The following RWDD2B variants were observed in gnomAD, a reference collection of about 807,000 sequenced individuals.
RWDD2B encodes the protein RWD domain containing 2B, also known as RWD domain-containing protein 2B.
RWDD2B carries 36 observed loss-of-function variants against 33.6 expected under a neutral mutation model. That is an observed-to-expected ratio of 1.07 (90% CI 0.82 to 1.42). The LOEUF (loss-of-function observed/expected upper bound fraction) is 1.42, where lower values mean the gene tolerates loss of function less well. Among genes scored for constraint, RWDD2B ranks in the 40% most tolerant of loss-of-function variants. The pLI is 0.00. For missense variants in RWDD2B, 364 were observed against 377.5 expected (o/e 0.96, Z 0.30); for synonymous variants, 126 against 133.1 (o/e 0.95, Z 0.37).
In RWDD2B at chr21:29,019,335, G is replaced by C; in HGVS notation, c.-58C>G. The C allele has an allele frequency of 3.2e-6, 4 of 1,267,462 alleles. No homozygotes were observed. Among genetic ancestry groups the C allele is most frequent in the Admixed American group, 4.7e-5 (2 of 42,366 alleles). 78.5% of individuals were successfully genotyped at this position (1,267,462 alleles called of 1,614,324 possible). ...GACCCAAAACTTACAAACCGCCTCA[G>C]CTGGCGACCTACCGGAAAAAAAAAA... is the stretch of plus-strand genomic sequence containing the variant. On this transcript the variant is annotated 5_prime_UTR_variant, in exon 1 of 5. Transcript: ENST00000493196.
At chr21:29,011,469 C>A (rs971245151) in intron 1 of RWDD2B, among the ~76,000 whole-genome samples, 2 of 151,442 alleles carry the variant, frequency 1.3e-5, no homozygotes, top group African/African-American at 4.8e-5. Context: ...CCCCTCCGCC[C>A]AGCAGCCACC....
At chr21:29,016,708 T>C (rs1483044531) in intron 1 of RWDD2B, among the ~76,000 whole-genome samples, 1 of 152,238 alleles carries the variant, frequency 6.6e-6, no homozygotes, top group Non-Finnish European at 1.5e-5. Context: ...TGGTTTACTT[T>C]GTTTTTTTGT....
At chr21:29,011,265 G>GC (rs1386474735) in intron 1 of RWDD2B, among the ~76,000 whole-genome samples, 1 of 151,614 alleles carries the variant, frequency 6.6e-6, no homozygotes, top group African/African-American at 2.4e-5. Flanking sequence ...GAAGTGAGGA[G>GC]CGTCTCTGCC....
At chr21:29,014,393 C>A (rs1305099141) in intron 1 of RWDD2B, among the ~76,000 whole-genome samples, 2 of 152,100 alleles carry the variant, frequency 1.3e-5, no homozygotes, top group African/African-American at 2.4e-5. Context: ...TTGTTATATC[C>A]CTGCATATCA....
At chr21:29,013,713 A>G (rs2084876298) in intron 1 of RWDD2B, among the ~76,000 whole-genome samples, 1 of 151,464 alleles carries the variant, frequency 6.6e-6, no homozygotes, top group Non-Finnish European at 1.5e-5. Context: ...AAAAGAAATT[A>G]AAGATTAATA....
chr21:29,018,045 G>A (rs904264759), intron 1 of RWDD2B, among the ~76,000 whole-genome samples: 1 of 152,196 alleles, frequency 6.6e-6, no homozygotes, highest in East Asian at 1.9e-4. Context: ...CCCCACACTT[G>A]CTGCTATGGA....
At position 29,011,168 on chromosome 21, in the gene RWDD2B, A is replaced by C. The variant is rs540249070; in HGVS notation, c.68-2547T>G. Among the ~76,000 whole-genome samples, 2 of 132,804 alleles carry C rather than the reference A, an allele frequency of 1.5e-5. 1 individual carries two copies. Among genetic ancestry groups the C allele is most frequent in the South Asian group, 5.1e-4 (2 of 3,958 alleles). 87.1% of individuals were successfully genotyped at this position (132,804 alleles called of 152,430 possible). ...GAGGAGCCCCTCTGCCTGGCTGCCT[A>C]GTCTGGAAAGTGAGGAGCGTCTCTG... On this transcript the variant is annotated intron_variant, in intron 1 of 4. Transcript: ENST00000493196.
chr21:29,016,163 C>T (rs1322151397), intron 1 of RWDD2B, among the ~76,000 whole-genome samples: 1 of 152,094 alleles, frequency 6.6e-6, no homozygotes, highest in Non-Finnish European at 1.5e-5. Flanking sequence ...TATGTCTATT[C>T]ATGTTTAATT....
At chr21:29,015,204 C>T (rs2084883631) in intron 1 of RWDD2B, among the ~76,000 whole-genome samples, 1 of 137,730 alleles carries the variant, frequency 7.3e-6, no homozygotes. Flanking sequence ...CTTTGGTTTT[C>T]AGAAGTTTGA....
Position 29,007,864 on chromosome 21 carries a change from CTAGAA to C in RWDD2B, c.617_621del (p.Ile206ArgfsTer12). 1.2e-6 allele frequency: 2 copies of C among 1,614,250 alleles called. No homozygotes were observed. Among genetic ancestry groups the C allele is most frequent in the Non-Finnish European group, 1.7e-6 (2 of 1,180,042 alleles). On this transcript the variant is annotated frameshift_variant, in exon 4 of 5. Coordinates refer to ENST00000493196, the MANE Select transcript of RWDD2B (RefSeq NM_016940.3). LOFTEE classifies it high-confidence loss of function. ...GACAGGGAAAGCTCCTTTGCCCACT[CTAGAA>C]TATTCTTTCTTTTGCATTTGTTATA... is the stretch of plus-strand genomic sequence containing the variant.
At chr21:29,016,967 CT>C (rs34630060) in intron 1 of RWDD2B, among the ~76,000 whole-genome samples, 3 of 150,704 alleles carry the variant, frequency 2.0e-5, no homozygotes, top group African/African-American at 7.3e-5. Context: ...TTAAAAAAAC[CT>C]TTTTTTTTGA....
At chr21:29,007,392 C>A (rs1361894359) in intron 4 of RWDD2B, among the ~76,000 whole-genome samples, 1 of 152,230 alleles carries the variant, frequency 6.6e-6, no homozygotes, top group Non-Finnish European at 1.5e-5. Context: ...CTCCACATCT[C>A]TAATAGTCAT....
chr21:29,019,047 GA>G (rs1414114374), intron 1 of RWDD2B, among the ~76,000 whole-genome samples, 163 bp downstream of exon 1: 1 of 152,172 alleles, frequency 6.6e-6, no homozygotes, highest in African/African-American at 2.4e-5. Context: ...CAGGGCTGCA[GA>G]AGCCGGGAAG....
At position 29,010,827 on chromosome 21, in the gene RWDD2B, C is replaced by A. The variant is rs973136772; in HGVS notation, c.68-2206G>T. Among the ~76,000 whole-genome samples, 29 of 137,268 alleles carry A rather than the reference C, an allele frequency of 2.1e-4. 1 individual carries two copies. Among genetic ancestry groups the A allele is most frequent in the Admixed American group, 1.6e-3 (23 of 14,042 alleles). 90.1% of individuals were successfully genotyped at this position (137,268 alleles called of 152,430 possible). ...CGATTGCAGGCGCGCGCCGCCACCCCTGACTGGTTTTCGTATTTTTTTGGT... is the reference window on the plus strand; with the variant it reads ...CGATTGCAGGCGCGCGCCGCCACCCATGACTGGTTTTCGTATTTTTTTGGT... On this transcript the variant is annotated intron_variant, in intron 1 of 4. Coordinates refer to ENST00000493196, the MANE Select transcript of RWDD2B (RefSeq NM_016940.3).
chr21:29,013,333 C>G (rs1033006916), intron 1 of RWDD2B, among the ~76,000 whole-genome samples: 7 of 152,108 alleles, frequency 4.6e-5, no homozygotes, highest in Non-Finnish European at 7.4e-5. Context: ...GCTTTTCTCA[C>G]ATATAAACAT....
chr21:29,009,992 T>C, intron 1 of RWDD2B, among the ~76,000 whole-genome samples: 1 of 152,198 alleles, frequency 6.6e-6, no homozygotes, highest in East Asian at 1.9e-4. Context: ...TCTTTGTAAC[T>C]GTCGGCTGTT....
rs79703266 is a variant in RWDD2B, at chr21:29,017,277, C to T, written c.67+1934G>A. Among the ~76,000 whole-genome samples the T allele has an allele frequency of 7.2e-3, 1,098 of 152,288 alleles. 13 individuals are homozygous for T. The highest frequency in any genetic ancestry group is 0.025 in the African/African-American group (1,040 of 41,560). ...ACAATGAATGAAAGTAATAAAACAACTCTACTGGTGGGAGGATACCATGAC... is the reference window on the plus strand; with the variant it reads ...ACAATGAATGAAAGTAATAAAACAATTCTACTGGTGGGAGGATACCATGAC... On this transcript the variant is annotated intron_variant, in intron 1 of 4. Coordinates refer to ENST00000493196, the MANE Select transcript of RWDD2B (RefSeq NM_016940.3).
intron 1 of RWDD2B, among the ~76,000 whole-genome samples, chr21:29,014,457 C>T (rs1017212587): frequency 1.2e-4 from 19 of 152,190 alleles, no homozygotes; most frequent in Admixed American, 1.1e-3. Context: ...TGGGATAAAG[C>T]TTCTAACACA....
intron 1 of RWDD2B, among the ~76,000 whole-genome samples, chr21:29,013,089 CAGGCTGG>C (rs2084872644): frequency 6.6e-6 from 1 of 150,888 alleles, no homozygotes; most frequent in Non-Finnish European, 1.5e-5. Flanking sequence ...CTCTGTCACC[CAGGCTGG>C]AGTGCAGTGG....
Sources: gnomAD v4.1 joint callset for allele counts (sites outside exome capture counted in the v4.1 genomes callset) on GRCh38, gnomAD v4.1.1 for gene constraint, MANE v1.5 for transcripts, NCBI Gene and HGNC (gene_info 2026-07-23, HGNC 2026-07-21) for gene names.